FBXL17: variants seen among roughly 807,000 people sequenced by gnomAD.
FBXL17 encodes F-box and leucine rich repeat protein 17, also known as F-box/LRR-repeat protein 17.
FBXL17 carries 22 observed loss-of-function variants against 66.2 expected under a neutral mutation model. The observed-to-expected ratio is 0.33, with a 90% CI of 0.24 to 0.47. FBXL17 has a LOEUF of 0.47. Among genes scored for constraint, FBXL17 ranks in the 20% least tolerant of loss-of-function variants. FBXL17 has a pLI of 1.00. For missense variants in FBXL17, 878 were observed against 948.2 expected (o/e 0.93, Z 0.97); for synonymous variants, 474 against 400.5 (o/e 1.18, Z -2.19).
intron 8 of FBXL17, chr5:107,880,260 A>G: frequency 8.9e-6 from 5 of 561,622 alleles, no homozygotes; most frequent in Non-Finnish European, 1.1e-5. Flanking sequence ...GGAGAGGGGG[A>G]TAGAGACAGG....
At chr5:108,253,865 T>C (rs781657223) in intron 4 of FBXL17, among the ~76,000 whole-genome samples, 6 of 151,960 alleles carry the variant, frequency 3.9e-5, no homozygotes, top group African/African-American at 9.7e-5. Flanking sequence ...TGGTGGTGGG[T>C]GCCTGCAAAC....
intron 8 of FBXL17, among the ~76,000 whole-genome samples, chr5:107,864,673 T>C (rs1748224078): frequency 6.6e-6 from 1 of 152,106 alleles, no homozygotes; most frequent in Admixed American, 6.5e-5. Context: ...CTCCCCCAAC[T>C]CTCTCTCTTG....
intron 7 of FBXL17, among the ~76,000 whole-genome samples, chr5:107,896,591 T>G (rs1444229872): frequency 6.6e-6 from 1 of 152,148 alleles, no homozygotes; most frequent in African/African-American, 2.4e-5. Context: ...TCATGTTTAA[T>G]GCAATACTGT....
intron 7 of FBXL17, among the ~76,000 whole-genome samples, chr5:107,948,910 C>T (rs568655355): frequency 3.2e-4 from 49 of 152,250 alleles, no homozygotes; most frequent in South Asian, 2.7e-3. Context: ...ACAGAGCATT[C>T]GCTCTGTGTG....
chr5:108,349,003 G>A (rs1021066293), intron 3 of FBXL17, among the ~76,000 whole-genome samples: 6 of 151,874 alleles, frequency 4.0e-5, no homozygotes, highest in African/African-American at 4.8e-5. Flanking sequence ...CTAGGGTCTC[G>A]CTATGTTACC....
At chr5:107,956,145 G>C (rs895790891) in intron 7 of FBXL17, among the ~76,000 whole-genome samples, 1 of 151,990 alleles carries the variant, frequency 6.6e-6, no homozygotes, top group Non-Finnish European at 1.5e-5. Context: ...AATTATTATG[G>C]AAACTTCTAG....
chr5:108,134,818 C>T (rs1751072916), intron 6 of FBXL17, among the ~76,000 whole-genome samples: 1 of 152,130 alleles, frequency 6.6e-6, no homozygotes, highest in East Asian at 1.9e-4. Flanking sequence ...TGCAGAAATC[C>T]TCAGATGAAG....
At chr5:108,273,976 T>C (rs1757380918) in intron 4 of FBXL17, among the ~76,000 whole-genome samples, 1 of 152,162 alleles carries the variant, frequency 6.6e-6, no homozygotes, top group Non-Finnish European at 1.5e-5. Context: ...AAATGTTACT[T>C]TTACAGGAAT....
intron 6 of FBXL17, among the ~76,000 whole-genome samples, chr5:108,154,890 T>C (rs959114203): frequency 9.9e-5 from 15 of 151,148 alleles, no homozygotes; most frequent in Non-Finnish European, 1.9e-4. Flanking sequence ...AAGCAAAAAA[T>C]GAAGTCAAGA....
chr5:108,168,625 T>C (rs10063866), intron 6 of FBXL17, among the ~76,000 whole-genome samples: 76,309 of 151,888 alleles, frequency 0.5, 19,659 homozygotes, highest in East Asian at 0.76. Flanking sequence ...AGGACATCAT[T>C]CTCCCAACAC....
chr5:107,977,408 G>T (rs555993048), intron 7 of FBXL17, among the ~76,000 whole-genome samples: 1 of 152,224 alleles, frequency 6.6e-6, no homozygotes, highest in Admixed American at 6.5e-5. Context: ...CAACAATCTT[G>T]CAAGGTTGGT....
intron 3 of FBXL17, among the ~76,000 whole-genome samples, chr5:108,349,442 T>C (rs1747503203): frequency 1.3e-5 from 2 of 152,082 alleles, no homozygotes; most frequent in South Asian, 2.1e-4. Flanking sequence ...AAAAAAAACT[T>C]CCAAGTTCTG....
At chr5:107,961,072 G>A (rs1019498670) in intron 7 of FBXL17, among the ~76,000 whole-genome samples, 18 of 152,164 alleles carry the variant, frequency 1.2e-4, no homozygotes, top group Non-Finnish European at 1.6e-4. Context: ...AGGCTGGCTG[G>A]AAAGAAGTGG....
intron 4 of FBXL17, among the ~76,000 whole-genome samples, chr5:108,271,037 T>C (rs1394308721): frequency 6.8e-6 from 1 of 147,120 alleles, no homozygotes; most frequent in African/African-American, 2.5e-5. Context: ...TTACATCCAA[T>C]AGAGCAGTGG....
At chr5:108,277,416 C>T (rs766884368) in intron 4 of FBXL17, among the ~76,000 whole-genome samples, 1 of 151,990 alleles carries the variant, frequency 6.6e-6, no homozygotes, top group African/African-American at 2.4e-5. Context: ...CATTCCTTTT[C>T]AAGAAACTAC....
intron 6 of FBXL17, among the ~76,000 whole-genome samples, chr5:108,181,175 A>C (rs1752987476): frequency 6.6e-6 from 1 of 152,196 alleles, no homozygotes. Flanking sequence ...AACATATAAA[A>C]ATGTTGTAGA....
At chr5:107,943,398 C>T (rs1213856116) in intron 7 of FBXL17, among the ~76,000 whole-genome samples, 1 of 152,160 alleles carries the variant, frequency 6.6e-6, no homozygotes, top group Non-Finnish European at 1.5e-5. Context: ...CCATGACCAT[C>T]CACCTTTTGG....
At chr5:108,111,945 A>G (rs1750052104) in intron 6 of FBXL17, among the ~76,000 whole-genome samples, 1 of 152,236 alleles carries the variant, frequency 6.6e-6, no homozygotes, top group Non-Finnish European at 1.5e-5. Context: ...CTGCATAATA[A>G]TATCTGAGAG....
intron 7 of FBXL17, among the ~76,000 whole-genome samples, chr5:107,979,496 G>A (rs1437194092): frequency 6.6e-6 from 1 of 152,198 alleles, no homozygotes; most frequent in South Asian, 2.1e-4. Context: ...GCGTAATGGT[G>A]TGTGAGAAAT....
Sources: allele counts gnomAD v4.1 joint callset (sites outside exome capture counted in the v4.1 genomes callset), GRCh38; gene constraint gnomAD v4.1.1; transcripts MANE v1.5; gene names NCBI Gene and HGNC (gene_info 2026-07-23, HGNC 2026-07-21).